Variants in COL23A1 observed in about 807,000 individuals in gnomAD.
COL23A1 encodes the protein collagen type XXIII alpha 1 chain.
In COL23A1, 97 loss-of-function variants were observed where a neutral mutation model predicts 99.3. The ratio of observed to expected loss-of-function variants is 0.98; its 90% CI spans 0.83 to 1.16. The LOEUF is 1.16. Among genes scored for constraint, COL23A1 ranks in the 50% most tolerant of loss-of-function variants. COL23A1 has a pLI of 0.00. For missense variants in COL23A1, 762 were observed against 757.4 expected (o/e 1.01, Z -0.07); for synonymous variants, 320 against 308.2 (o/e 1.04, Z -0.40).
At chr5:178,284,244 C>T (rs1255174185) in intron 5 of COL23A1, among the ~76,000 whole-genome samples, 2 of 152,164 alleles carry the variant, frequency 1.3e-5, no homozygotes, top group Admixed American at 6.5e-5. Flanking sequence ...AAACTCTATG[C>T]CTGCAATTCC....
chr5:178,354,541 G>T (rs746190718), intron 2 of COL23A1, among the ~76,000 whole-genome samples: 1 of 152,118 alleles, frequency 6.6e-6, no homozygotes, highest in Non-Finnish European at 1.5e-5. Flanking sequence ...ACCATCCTCT[G>T]GGTGCTGTTC....
chr5:178,248,509 A>C (rs927400906), intron 19 of COL23A1, among the ~76,000 whole-genome samples: 30 of 152,148 alleles, frequency 2.0e-4, no homozygotes, highest in African/African-American at 7.2e-4. Context: ...CTGTGAAGCA[A>C]AGACCCCGGG....
intron 1 of COL23A1, among the ~76,000 whole-genome samples, chr5:178,585,311 C>A (rs1012642647): frequency 1.3e-5 from 2 of 150,064 alleles, no homozygotes; most frequent in Non-Finnish European, 3.0e-5. Flanking sequence ...CCACGGCTGA[C>A]CCTGGGGTAA....
intron 2 of COL23A1, among the ~76,000 whole-genome samples, chr5:178,543,147 G>A (rs778076804): frequency 4.7e-5 from 7 of 150,526 alleles, no homozygotes; most frequent in Non-Finnish European, 2.9e-5. Context: ...CGCGCTTGTC[G>A]CCCAGGCTGG....
intron 1 of COL23A1, among the ~76,000 whole-genome samples, chr5:178,583,096 T>C (rs1162240067): frequency 3.9e-5 from 6 of 152,268 alleles, no homozygotes; most frequent in Non-Finnish European, 1.5e-5. Context: ...CATGAGGCTG[T>C]TGTGGGCAAC....
intron 2 of COL23A1, among the ~76,000 whole-genome samples, chr5:178,364,208 C>G (rs1762330064): frequency 6.6e-6 from 1 of 152,214 alleles, no homozygotes; most frequent in Non-Finnish European, 1.5e-5. Flanking sequence ...GTTTCCCTCC[C>G]TCCCGCCTAA....
intron 2 of COL23A1, among the ~76,000 whole-genome samples, chr5:178,401,734 T>A (rs1176649740): frequency 6.6e-6 from 1 of 152,254 alleles, no homozygotes; most frequent in Non-Finnish European, 1.5e-5. Context: ...AAAGTGCCTA[T>A]GCCATTTGAC....
chr5:178,366,043 A>G lies in COL23A1; in HGVS notation c.362-59124T>C, dbSNP rs577510787. On this transcript the variant is annotated intron_variant, in intron 2 of 28. Transcript: ENST00000390654. The surrounding 1 kb of genome is among the most constrained non-coding windows in gnomAD (Gnocchi z 4.4). ...ACCTCTTCATCTGAGCTCGCTTCAG[A>G]TGACGCCCCCAGTGCCAGGTGATCA... Among the ~76,000 whole-genome samples, 23 of 152,248 alleles carry G rather than the reference A, an allele frequency of 1.5e-4. No homozygotes were observed. Among genetic ancestry groups the G allele is most frequent in the African/African-American group, 5.3e-4 (22 of 41,534 alleles).
chr5:178,388,935 C>T (rs1311253870), intron 2 of COL23A1, among the ~76,000 whole-genome samples: 1 of 152,174 alleles, frequency 6.6e-6, no homozygotes, highest in Non-Finnish European at 1.5e-5. Context: ...GATAAGATTT[C>T]CCAAACTTCT....
intron 7 of COL23A1, among the ~76,000 whole-genome samples, chr5:178,268,200 A>G (rs943616807): frequency 5.3e-5 from 8 of 152,022 alleles, no homozygotes; most frequent in African/African-American, 1.9e-4. Flanking sequence ...ACCTAGGCCT[A>G]CTCTGGTCCC....
At chr5:178,584,547 A>G (rs1263980809) in intron 1 of COL23A1, among the ~76,000 whole-genome samples, 1 of 152,108 alleles carries the variant, frequency 6.6e-6, no homozygotes, top group Admixed American at 6.6e-5. Context: ...GTCATGTCAC[A>G]TTGCTATTTG....
intron 1 of COL23A1, among the ~76,000 whole-genome samples, chr5:178,563,715 A>G (rs1762717656): frequency 6.6e-6 from 1 of 151,808 alleles, no homozygotes; most frequent in African/African-American, 2.4e-5. Context: ...AATTTTTTGT[A>G]GAGACGGGGT....
chr5:178,347,093 C>CT (rs1476751980), intron 2 of COL23A1, among the ~76,000 whole-genome samples: 1 of 152,210 alleles, frequency 6.6e-6, no homozygotes, highest in East Asian at 1.9e-4. Flanking sequence ...CCGCCTCCCC[C>CT]TCCCTCCCTG....
rs1241872503 is a variant in COL23A1 at position 178,366,794 on chromosome 5, G to A, written c.362-59875C>T. Among the ~76,000 whole-genome samples the A allele has an allele frequency of 6.6e-6, 1 of 152,230 alleles. No homozygotes were observed. The highest frequency in any genetic ancestry group is 1.5e-5 in the Non-Finnish European group (1 of 68,044). On this transcript the variant is annotated intron_variant, in intron 2 of 28. Transcript: ENST00000390654. This position sits in a 1 kb window ranked among gnomAD's most constrained non-coding sequence, Gnocchi z 4.4. The stretch of plus-strand genomic sequence containing the variant: ...TCATTATCTATTGCTGAGGCTCACA[G>A]CAGATGTCGCCTCTTCCATAAAAGC...
intron 2 of COL23A1, among the ~76,000 whole-genome samples, chr5:178,393,203 TA>T (rs1167189596): frequency 1.3e-5 from 2 of 152,150 alleles, no homozygotes; most frequent in East Asian, 3.9e-4. Flanking sequence ...TTTTCAGCCT[TA>T]AAAAGGAAGG....
intron 1 of COL23A1, among the ~76,000 whole-genome samples, chr5:178,573,251 G>A (rs549852828): frequency 2.3e-4 from 35 of 152,342 alleles, no homozygotes; most frequent in African/African-American, 6.3e-4. Flanking sequence ...CCCAGGCTGC[G>A]GCTTCTACAG....
At chr5:178,375,688 T>G (rs896604513) in intron 2 of COL23A1, among the ~76,000 whole-genome samples, 14 of 152,154 alleles carry the variant, frequency 9.2e-5, no homozygotes, top group African/African-American at 3.4e-4. Flanking sequence ...GAAATCCACT[T>G]GACCCATTCC....
chr5:178,346,572 C>T (rs1760984556), intron 2 of COL23A1, among the ~76,000 whole-genome samples: 1 of 152,202 alleles, frequency 6.6e-6, no homozygotes, highest in East Asian at 1.9e-4. Context: ...GACATATGTA[C>T]ATACGTCTTA....
chr5:178,584,321 C>A (rs997513312), intron 1 of COL23A1, among the ~76,000 whole-genome samples: 2 of 150,910 alleles, frequency 1.3e-5, no homozygotes, highest in Non-Finnish European at 2.9e-5. Context: ...CACACACACA[C>A]ACACACACAC....
Sources: gnomAD v4.1 joint callset for allele counts (sites outside exome capture counted in the v4.1 genomes callset) on GRCh38, gnomAD v4.1.1 for gene constraint, Gnocchi (gnomAD v3.1) non-coding constraint, MANE v1.5 for transcripts, NCBI Gene and HGNC (gene_info 2026-07-23, HGNC 2026-07-21) for gene names.